PFKFB1: variants seen among roughly 807,000 people sequenced by gnomAD.
PFKFB1 encodes 6-phosphofructo-2-kinase/fructose-2,6-biphosphatase 1, also known as 6-phosphofructo-2-kinase/fructose-2,6-bisphosphatase 1.
Under a neutral mutation model 46.4 loss-of-function variants are expected in PFKFB1, and 34 were observed. That is an observed-to-expected ratio of 0.73 (90% CI 0.56 to 0.98). PFKFB1 has a LOEUF of 0.98. Ranked by LOEUF, PFKFB1 falls within the 50% of genes least tolerant of loss-of-function variation. PFKFB1 has a pLI of 0.00. For synonymous variants in PFKFB1, 119 were observed against 133.8 expected (o/e 0.89, Z 0.76); for missense variants, 393 against 376.3 (o/e 1.04, Z -0.37).
intron 10 of PFKFB1, among the ~76,000 whole-genome samples, chrX:54,941,088 C>T (rs1055711650): frequency 1.8e-5 from 2 of 111,675 alleles, no homozygotes; most frequent in African/African-American, 6.5e-5. Context: ...AATAATGCTG[C>T]ATATCTACAA....
chrX:54,988,143 T>C (rs1935152384), intron 1 of PFKFB1, among the ~76,000 whole-genome samples: 1 of 111,709 alleles, frequency 9.0e-6, no homozygotes, highest in Non-Finnish European at 1.9e-5. Flanking sequence ...AGTCCAGCAA[T>C]GTTGCAGAAT....
At chrX:54,983,378 G>C (rs1935042297) in intron 1 of PFKFB1, among the ~76,000 whole-genome samples, 1 of 111,217 alleles carries the variant, frequency 9.0e-6, no homozygotes, top group Non-Finnish European at 1.9e-5. Flanking sequence ...CTATGTCCAT[G>C]TGTTCTCATC....
At chrX:54,942,062 C>A (rs1933657704) in intron 10 of PFKFB1, among the ~76,000 whole-genome samples, 1 of 111,883 alleles carries the variant, frequency 8.9e-6, no homozygotes. Flanking sequence ...ACTATGCAGC[C>A]ATAAAAAATG....
chrX:54,966,446 G>C (rs1934476909), intron 1 of PFKFB1, among the ~76,000 whole-genome samples: 1 of 112,334 alleles, frequency 8.9e-6, no homozygotes. Context: ...TTAGCAGACA[G>C]AGATGCAGGA....
rs373419320 is a variant in PFKFB1, at chrX:54,937,673, G to A, written c.1150C>T (p.Arg384Ter). Residue 384 changes from arginine (R) to a stop codon, truncating the protein, a stop_gained, in exon 11 of 14, where the codon CGA (arginine) becomes TGA (stop). Transcript: ENST00000375006. LOFTEE classifies it high-confidence loss of function. ...RLEPVIMELE[R>*]QENVLVICHQ... ...CAGATCACCAGTACATTCTCCTGTC[G>A]TTCTAGCTCCATTATCACTGGCTCC... The A allele has an allele frequency of 2.1e-4, 257 of 1,204,346 alleles. No individual in the cohort carries two copies. The highest frequency in any genetic ancestry group is 2.7e-4 in the Non-Finnish European group (241 of 890,027).
At chrX:54,950,890 C>T (rs1243004821) in intron 8 of PFKFB1, among the ~76,000 whole-genome samples, 1 of 112,769 alleles carries the variant, frequency 8.9e-6, no homozygotes, top group African/African-American at 3.2e-5. Flanking sequence ...GTAGGCCCGG[C>T]TTTCAGTCCT....
intron 1 of PFKFB1, among the ~76,000 whole-genome samples, chrX:54,992,020 A>T (rs1045440399): frequency 2.7e-5 from 3 of 111,994 alleles, no homozygotes; most frequent in Non-Finnish European, 5.6e-5. Flanking sequence ...CCTAGCAAGA[A>T]GTGAACCAGA....
Position 54,977,109 on chromosome X carries a change from T to C in PFKFB1, c.98-13727A>G, listed in dbSNP as rs779406051. Among the ~76,000 whole-genome samples, 74 of 111,180 alleles carry C rather than the reference T, an allele frequency of 6.7e-4. 2 individuals are homozygous for C. The highest frequency in any genetic ancestry group is 7.8e-4 in the Non-Finnish European group (41 of 52,854). The stretch of plus-strand genomic sequence containing the variant: ...TGTCAAAACTCACAAAACTGAATTT[T>C]ATTGCATTCAAGTTTTTATAAATCA... On this transcript the variant is annotated intron_variant, in intron 1 of 13. Coordinates refer to ENST00000375006, the MANE Select transcript of PFKFB1 (RefSeq NM_002625.4).
upstream of PFKFB1, among the ~76,000 whole-genome samples, chrX:54,996,494 G>A (rs1260086609): frequency 8.9e-6 from 1 of 112,405 alleles, no homozygotes; most frequent in Non-Finnish European, 1.9e-5. Context: ...TCTGAGATAA[G>A]AAGCTGGCAG....
intron 1 of PFKFB1, among the ~76,000 whole-genome samples, chrX:54,970,550 T>C (rs1381932685): frequency 1.4e-5 from 1 of 69,250 alleles, no homozygotes; most frequent in Non-Finnish European, 2.6e-5. Flanking sequence ...TGTGTTCTCA[T>C]TGTTCAATTT....
intron 10 of PFKFB1, among the ~76,000 whole-genome samples, chrX:54,939,931 A>T (rs1417439817): frequency 9.0e-6 from 1 of 111,661 alleles, no homozygotes; most frequent in Admixed American, 9.5e-5. Context: ...CCAGGCAGAG[A>T]CACAAAAAAA....
At chrX:54,961,927 A>G (rs1934326083) in intron 2 of PFKFB1, among the ~76,000 whole-genome samples, 1 of 111,251 alleles carries the variant, frequency 9.0e-6, no homozygotes, top group Admixed American at 9.6e-5. Context: ...AAGGAAGAGC[A>G]TGTTTGGAGG....
At chrX:54,957,713 C>T (rs898709584) in intron 6 of PFKFB1, among the ~76,000 whole-genome samples, 2 of 111,366 alleles carry the variant, frequency 1.8e-5, no homozygotes, top group African/African-American at 6.5e-5. Flanking sequence ...TATAGATATA[C>T]ATTTAGGTAA....
At chrX:54,958,214 A>G in intron 6 of PFKFB1, 92 bp downstream of exon 6, 1 of 511,462 alleles carries the variant, frequency 2.0e-6, no homozygotes, top group East Asian at 3.4e-5. Context: ...CTTTAATCTC[A>G]TGGAGTTGCC....
At chrX:54,976,642 C>A (rs1335566097) in intron 1 of PFKFB1, among the ~76,000 whole-genome samples, 1 of 110,957 alleles carries the variant, frequency 9.0e-6, no homozygotes, top group East Asian at 2.8e-4. Flanking sequence ...CTCATACATA[C>A]CTTTGGAAGG....
chrX:54,958,707 C>T (rs868735010), intron 5 of PFKFB1, 144 bp downstream of exon 5: 55 of 461,246 alleles, frequency 1.2e-4, no homozygotes, highest in African/African-American at 1.2e-3. Flanking sequence ...CTGCTTCTGA[C>T]TATATCCTGG....
chrX:54,978,179 C>T (rs894255225), intron 1 of PFKFB1, among the ~76,000 whole-genome samples: 3 of 110,847 alleles, frequency 2.7e-5, no homozygotes, highest in Non-Finnish European at 5.7e-5. Context: ...TAGAACAGAA[C>T]GCAGAAGCCA....
chrX:54,988,595 T>G (rs1442534684), intron 1 of PFKFB1, among the ~76,000 whole-genome samples: 1 of 111,749 alleles, frequency 8.9e-6, no homozygotes, highest in Admixed American at 9.5e-5. Flanking sequence ...ACAATTAAAC[T>G]ACAATAATCA....
rs762389876 is a variant in PFKFB1 at position 54,958,308 on chromosome X, T to C, written c.514A>G (p.Arg172Gly). The C allele has an allele frequency of 2.6e-6, 3 of 1,170,662 alleles. No individual in the cohort carries two copies. The African/African-American group carries it at 5.3e-5, about 21-fold the overall frequency. The change falls in exon 6 of 14, where the codon AGG becomes GGG. Residue 172 changes from arginine (R) to glycine (G), a missense_variant and splice_region_variant. Transcript: ENST00000375006. Reference sequence around the variant, plus strand: ...GAAAAGTAACTGGTGGTCCTTACCCTGATGTTTTCTGCAATTATGCCAGGG... The same window carrying C: ...GAAAAGTAACTGGTGGTCCTTACCCCGATGTTTTCTGCAATTATGCCAGGG... ...NDPGIIAENIRQVKLGSPDYI... is the reference protein window; with the variant it reads ...NDPGIIAENIGQVKLGSPDYI...
Sources: gnomAD v4.1 joint callset for allele counts (sites outside exome capture counted in the v4.1 genomes callset) on GRCh38, gnomAD v4.1.1 for gene constraint, MANE v1.5 for transcripts, NCBI Gene and HGNC (gene_info 2026-07-23, HGNC 2026-07-21) for gene names.